DMRT3: variants seen among roughly 807,000 people sequenced by gnomAD.
DMRT3 encodes doublesex- and mab-3-related transcription factor 3.
Under a neutral mutation model 34.9 loss-of-function variants are expected in DMRT3, and 29 were observed. The observed-to-expected ratio is 0.83, with a 90% CI of 0.62 to 1.13. The LOEUF (loss-of-function observed/expected upper bound fraction) is 1.13, where lower values mean the gene tolerates loss of function less well. Ranked by LOEUF, DMRT3 falls within the 50% of genes most tolerant of loss-of-function variation. The pLI is 0.00. For missense variants in DMRT3, 772 were observed against 629.1 expected (o/e 1.23, Z -2.43); for synonymous variants, 350 against 286.0 (o/e 1.22, Z -2.26).
At chr9:984,422 T>G (rs1820257764) in intron 1 of DMRT3, among the ~76,000 whole-genome samples, 1 of 152,116 alleles carries the variant, frequency 6.6e-6, no homozygotes, top group Non-Finnish European at 1.5e-5. Context: ...ATAGAATGGA[T>G]ATAACCTATG....
Position 987,852 on chromosome 9 carries a change from C to A in DMRT3, c.455-2189C>A, listed in dbSNP as rs80000195. Among the ~76,000 whole-genome samples, 109 of 151,912 alleles carry A rather than the reference C, an allele frequency of 7.2e-4. 4 individuals are homozygous for A. In the East Asian group the frequency reaches 0.019, roughly 27 times the overall value. On this transcript the variant is annotated intron_variant, in intron 1 of 1. Transcript: ENST00000190165. ...GGGGAGAGTATTTGACTTGTTTTTC[C>A]AATTTCTAAAAGTGATAGTATATTA...
intron 1 of DMRT3, among the ~76,000 whole-genome samples, chr9:982,961 C>T (rs1054637218): frequency 6.6e-6 from 1 of 152,158 alleles, no homozygotes; most frequent in East Asian, 1.9e-4. Context: ...CACGGGTGCT[C>T]ATGGCAGAGG....
Position 990,243 on chromosome 9 carries a change from C to T in DMRT3, c.657C>T (p.Asp219=), listed in dbSNP as rs1005377434. The change falls in exon 2 of 2, where the codon GAC becomes GAT. Residue 219 remains aspartate, a synonymous_variant. Transcript: ENST00000190165. Reference sequence around the variant, plus strand: ...GAGGCAACCCCGAGAGCCGCCCTGACAGCCCCAAGTGTCACGCGGAGCAGA... The same window carrying T: ...GAGGCAACCCCGAGAGCCGCCCTGATAGCCCCAAGTGTCACGCGGAGCAGA... The part of the protein sequence containing the change: ...KNGGNPESRP[D]SPKCHAEQNH... The T allele has an allele frequency of 6.2e-6, 10 of 1,614,068 alleles. No homozygotes were observed. Among genetic ancestry groups the T allele is most frequent in the African/African-American group, 1.3e-5 (1 of 75,004 alleles).
chr9:989,874 T>C, intron 1 of DMRT3, 167 bp from the exon 2 acceptor site: 2 of 780,772 alleles, frequency 2.6e-6, no homozygotes, highest in Non-Finnish European at 4.0e-6. Flanking sequence ...TTTTGTTTCA[T>C]TTGCCAGTGA....
intron 1 of DMRT3, among the ~76,000 whole-genome samples, chr9:979,554 A>G (rs1041260211): frequency 6.6e-6 from 1 of 152,168 alleles, no homozygotes; most frequent in African/African-American, 2.4e-5. Context: ...ACATTGATGT[A>G]CACAACTTTT....
chr9:988,808 T>A (rs1478061446), intron 1 of DMRT3, among the ~76,000 whole-genome samples: 1 of 152,210 alleles, frequency 6.6e-6, no homozygotes, highest in Non-Finnish European at 1.5e-5. Flanking sequence ...AATTTTCATC[T>A]TTCGATCAGC....
chr9:984,458 C>CTTT (rs541965005), intron 1 of DMRT3, among the ~76,000 whole-genome samples: 17 of 147,304 alleles, frequency 1.2e-4, no homozygotes, highest in African/African-American at 1.2e-4. Flanking sequence ...AGATTTTTCA[C>CTTT]ATTTTTTTTT....
intron 1 of DMRT3, among the ~76,000 whole-genome samples, chr9:980,155 C>A (rs1178607699): frequency 6.6e-6 from 1 of 152,144 alleles, no homozygotes; most frequent in African/African-American, 2.4e-5. Flanking sequence ...GAGAAAAGCA[C>A]ATGCCTTAAG....
chr9:981,182 G>T (rs1820215921), intron 1 of DMRT3, among the ~76,000 whole-genome samples: 1 of 151,974 alleles, frequency 6.6e-6, no homozygotes, highest in South Asian at 2.1e-4. Flanking sequence ...TTTTCCTCTT[G>T]CCCTGCGCCT....
chr9:980,554 A>G (rs1440067778), intron 1 of DMRT3, among the ~76,000 whole-genome samples: 1 of 152,042 alleles, frequency 6.6e-6, no homozygotes, highest in South Asian at 2.1e-4. Context: ...ATTAAAAGCT[A>G]TATATATAGC....
rs1284312787 is a variant in DMRT3, at chr9:990,922, T to C, written c.1336T>C (p.Ser446Pro). 8 of 1,614,090 alleles carry C rather than the reference T, an allele frequency of 5.0e-6. No individual in the cohort carries two copies. Among genetic ancestry groups the C allele is most frequent in the Non-Finnish European group, 5.9e-6 (7 of 1,180,018 alleles). ...SIPDDGCPFV[S>P]KQSIYTEDDY... ...CCCTGATGATGGGTGTCCATTTGTG[T>C]CAAAGCAGTCCATTTACACCGAGGA... is the stretch of plus-strand genomic sequence containing the variant. Residue 446 changes from serine to proline, a missense_variant, in exon 2 of 2, where the codon TCA (serine) becomes CCA (proline). Coordinates refer to ENST00000190165, the MANE Select transcript of DMRT3 (RefSeq NM_021240.4).
chr9:980,296 T>G (rs1820200423), intron 1 of DMRT3, among the ~76,000 whole-genome samples: 1 of 152,236 alleles, frequency 6.6e-6, no homozygotes, highest in Non-Finnish European at 1.5e-5. Context: ...TTTAAAGGAA[T>G]GGGGTTATTT....
chr9:990,835 A>C lies in DMRT3; in HGVS notation c.1249A>C (p.Ser417Arg). ...CAGTCCTTTCCCCAGTAACTCTACCAGCGTCTTCAGAAGCTCGCCCGTCCT... is the reference window on the plus strand; with the variant it reads ...CAGTCCTTTCCCCAGTAACTCTACCCGCGTCTTCAGAAGCTCGCCCGTCCT... ...YVSPFPSNST[S>R]VFRSSPVLPA... Residue 417 changes from serine (S) to arginine (R), a missense_variant, in exon 2 of 2, where the codon AGC becomes CGC. Physicochemically the swap from Ser to Arg is moderately radical, Grantham distance 110. Transcript: ENST00000190165. The C allele has an allele frequency of 6.2e-7, 1 of 1,614,140 alleles. No homozygotes were observed. Among genetic ancestry groups the C allele is most frequent in the Non-Finnish European group, 8.5e-7 (1 of 1,180,018 alleles).
chr9:977,636 C>A (rs921140200), intron 1 of DMRT3, among the ~76,000 whole-genome samples, 181 bp downstream of exon 1: 1 of 152,146 alleles, frequency 6.6e-6, no homozygotes, highest in Non-Finnish European at 1.5e-5. Context: ...TGAGTCTGGA[C>A]CCAGCGCGAG....
rs2130051521 is a variant in DMRT3 at position 977,358 on chromosome 9, G to C, written c.357G>C (p.Gln119His). ...PPPASQPSQPQPPRPAAELAA... is the reference protein window; with the variant it reads ...PPPASQPSQPHPPRPAAELAA... Reference sequence around the variant, plus strand: ...CAGCCTCTCAGCCGTCGCAGCCGCAGCCGCCGCGCCCTGCTGCCGAGTTGG... The same window carrying C: ...CAGCCTCTCAGCCGTCGCAGCCGCACCCGCCGCGCCCTGCTGCCGAGTTGG... Residue 119 changes from glutamine (Q) to histidine (H), a missense_variant, in exon 1 of 2, where the codon CAG becomes CAC. Physicochemically the swap from Gln to His is conservative, Grantham distance 24 (BLOSUM62 0). Transcript: ENST00000190165. 1 of 1,236,510 alleles carries C rather than the reference G, an allele frequency of 8.1e-7. No individual in the cohort carries two copies. Among genetic ancestry groups the C allele is most frequent in the East Asian group, 3.2e-5 (1 of 30,814 alleles). 76.6% of individuals were successfully genotyped at this position (1,236,510 alleles called of 1,614,324 possible).
chr9:990,794 T>G lies in DMRT3; in HGVS notation c.1208T>G (p.Leu403Arg), dbSNP rs774261960. Residue 403 changes from leucine to arginine, a missense_variant, in exon 2 of 2, where the codon CTG (leucine) becomes CGG (arginine). Transcript: ENST00000190165. The part of the protein sequence containing the change: ...NTMTLQQQYQ[L>R]RSQYVSPFPS... ...ATGACGCTGCAGCAGCAGTATCAGCTGAGGTCCCAGTATGTCAGTCCTTTC... is the reference window on the plus strand; with the variant it reads ...ATGACGCTGCAGCAGCAGTATCAGCGGAGGTCCCAGTATGTCAGTCCTTTC... 1.2e-6 allele frequency: 2 copies of G among 1,614,176 alleles called. No homozygotes were observed. The highest frequency in any genetic ancestry group is 2.2e-5 in the South Asian group (2 of 91,084).
intron 1 of DMRT3, among the ~76,000 whole-genome samples, chr9:988,988 G>T (rs1820317187): frequency 6.6e-6 from 1 of 152,182 alleles, no homozygotes; most frequent in African/African-American, 2.4e-5. Flanking sequence ...GCTTAGCCCT[G>T]CAATATTACC....
At chr9:989,803 G>C (rs1586686525) in intron 1 of DMRT3, 2 of 448,664 alleles carry the variant, frequency 4.5e-6, no homozygotes, top group East Asian at 8.0e-5. Context: ...TTGAAGGCAA[G>C]CTTCCTTGCA....
intron 1 of DMRT3, among the ~76,000 whole-genome samples, chr9:987,238 C>T (rs1329730984): frequency 6.6e-6 from 1 of 152,182 alleles, no homozygotes; most frequent in Non-Finnish European, 1.5e-5. Context: ...CTGACAACCA[C>T]CACACTACTT....
Sources: gnomAD v4.1 joint callset for allele counts (sites outside exome capture counted in the v4.1 genomes callset) on GRCh38, gnomAD v4.1.1 for gene constraint, MANE v1.5 for transcripts, NCBI Gene and HGNC (gene_info 2026-07-23, HGNC 2026-07-21) for gene names.